The following NCSTN variants were observed in gnomAD, a reference collection of about 807,000 sequenced individuals.
NCSTN encodes the protein nicastrin.
In NCSTN, 22 loss-of-function variants were observed where a neutral mutation model predicts 87.0. The ratio of observed to expected loss-of-function variants is 0.25; its 90% confidence interval spans 0.18 to 0.36. The LOEUF (loss-of-function observed/expected upper bound fraction) is 0.36, where lower values mean the gene tolerates loss of function less well. NCSTN is among the 10% of genes least tolerant of loss of function. NCSTN has a pLI of 1.00. For missense variants in NCSTN, 693 were observed against 883.3 expected (o/e 0.78, Z 2.73); for synonymous variants, 306 against 327.1 (o/e 0.94, Z 0.69).
chr1:160,358,213 A>G lies in NCSTN; in HGVS notation c.2072A>G (p.Asn691Ser), dbSNP rs115296790. ...IFSLIVTYCI[N>S]AKADVLFIAP... Reference sequence around the variant, plus strand: ...TCCCTCATCGTCACCTACTGCATCAATGCCAAAGCTGATGTCCTTTTCATT... The same window carrying G: ...TCCCTCATCGTCACCTACTGCATCAGTGCCAAAGCTGATGTCCTTTTCATT... Residue 691 changes from asparagine (N) to serine (S), a missense_variant, in exon 17 of 17, where the codon AAT (asparagine) becomes AGT (serine). By Grantham distance (46) the Asn-to-Ser change is conservative (BLOSUM62 1). Around this residue, in one of 4 missense-constraint regions of NCSTN, gnomAD observed 216 missense variants for 311.7 expected, o/e 0.69. Coordinates refer to ENST00000294785, the MANE Select transcript of NCSTN (RefSeq NM_015331.3). 3.6e-5 allele frequency: 58 copies of G among 1,614,054 alleles called. No homozygotes were observed. Among genetic ancestry groups the G allele is most frequent in the South Asian group, 1.5e-4 (14 of 91,062 alleles).
At chr1:160,351,975 C>T in intron 7 of NCSTN, 79 bp from the exon 8 acceptor site, 1 of 1,564,558 alleles carries the variant, frequency 6.4e-7, no homozygotes, top group Non-Finnish European at 8.8e-7. Context: ...CAGGTATATT[C>T]TCTTGACTGG....
At chr1:160,351,494 T>C in intron 6 of NCSTN, 122 bp downstream of exon 6, 6 of 1,362,688 alleles carry the variant, frequency 4.4e-6, no homozygotes, top group Non-Finnish European at 6.2e-6. Context: ...GAGCTCTGCA[T>C]GGGAGAACTA....
chr1:160,344,614 A>G, intron 1 of NCSTN, 108 bp from the exon 2 acceptor site: 1 of 1,558,876 alleles, frequency 6.4e-7, no homozygotes, highest in South Asian at 1.2e-5. Context: ...CATTTTAGAA[A>G]GTATGATATT....
chr1:160,356,811 G>T, intron 15 of NCSTN, 57 bp downstream of exon 15: 1 of 1,606,918 alleles, frequency 6.2e-7, no homozygotes, highest in African/African-American at 1.3e-5. Flanking sequence ...GGGAAAGTTG[G>T]AGGTTCTTCT....
At chr1:160,354,315 C>G (rs1571209023) in intron 11 of NCSTN, 25 bp downstream of exon 11, 2 of 1,612,112 alleles carry the variant, frequency 1.2e-6, no homozygotes, top group Non-Finnish European at 1.7e-6. Flanking sequence ...GCCCTGCACC[C>G]TCTTCATTCT....
intron 10 of NCSTN, chr1:160,353,448 G>C: frequency 6.9e-7 from 1 of 1,450,934 alleles, no homozygotes; most frequent in South Asian, 1.4e-5. Flanking sequence ...CCTGGACTGG[G>C]TAGTTCTCTG....
rs148281052 is a variant in NCSTN, at chr1:160,347,644, A to G, written c.191-1355A>G. 4.7e-4 allele frequency among the ~76,000 whole-genome samples: 71 copies of G among 151,898 alleles called. No homozygotes were observed. The East Asian group carries it at 0.013, about 28-fold the overall frequency. The stretch of plus-strand genomic sequence containing the variant: ...TGTGTGTGTGTGTCAGAGTCTCACT[A>G]TGTCACCCAGGCTGGAGTGCTGTGG... On this transcript the variant is annotated intron_variant, in intron 2 of 16. Coordinates refer to ENST00000294785, the MANE Select transcript of NCSTN (RefSeq NM_015331.3).
chr1:160,356,988 C>G, intron 15 of NCSTN, 53 bp from the exon 16 acceptor site: 2 of 1,520,510 alleles, frequency 1.3e-6, no homozygotes, highest in Non-Finnish European at 9.1e-7. Flanking sequence ...GTAGAGGGAA[C>G]GAGTGAGAAG....
intron 8 of NCSTN, among the ~76,000 whole-genome samples, chr1:160,352,504 T>A (rs1648910097): frequency 6.6e-6 from 1 of 152,210 alleles, no homozygotes; most frequent in Non-Finnish European, 1.5e-5. Flanking sequence ...CCTTTACTGC[T>A]ATCTCCATCC....
At chr1:160,352,314 C>G in intron 8 of NCSTN, 108 bp downstream of exon 8, 12 of 1,362,018 alleles carry the variant, frequency 8.8e-6, no homozygotes, top group Non-Finnish European at 1.2e-5. Flanking sequence ...AGTTGTTAAC[C>G]AGCACAGAGC....
intron 15 of NCSTN, 94 bp from the exon 16 acceptor site, chr1:160,356,947 T>G: frequency 3.6e-6 from 5 of 1,403,306 alleles, no homozygotes; most frequent in Non-Finnish European, 3.0e-6. Context: ...GCCAGTTAGC[T>G]CAATTGGTTA....
Position 160,358,519 on chromosome 1 carries a change from ATTACAAATAGAAGCTTC to A in NCSTN, c.*251_*267del. On this transcript the variant is annotated 3_prime_UTR_variant, in exon 17 of 17. Transcript: ENST00000294785. Reference sequence around the variant, plus strand: ...TTCTCTACTCATGCCAGATTTTGGGATTACAAATAGAAGCTTCTTGCTCCTGTTTAACTCCCTAGTTA... The same window carrying A: ...TTCTCTACTCATGCCAGATTTTGGGATTGCTCCTGTTTAACTCCCTAGTTA... The A allele has an allele frequency of 1.8e-6, 1 of 550,560 alleles. No homozygotes were observed. Among genetic ancestry groups the A allele is most frequent in the South Asian group, 2.0e-5 (1 of 49,974 alleles). 34.1% of individuals were successfully genotyped at this position (550,560 alleles called of 1,614,324 possible). A position where few individuals can be genotyped will look rare whatever the true frequency, so the allele number is the denominator to read the frequency against.
intron 5 of NCSTN, 73 bp from the exon 6 acceptor site, chr1:160,351,149 C>G: frequency 6.6e-7 from 1 of 1,520,866 alleles, no homozygotes; most frequent in Non-Finnish European, 9.1e-7. Context: ...GGAACTGGGC[C>G]CTCCTCCTTC....
At chr1:160,356,145 T>C in intron 13 of NCSTN, 115 bp from the exon 14 acceptor site, 1 of 1,075,424 alleles carries the variant, frequency 9.3e-7, no homozygotes, top group South Asian at 1.3e-5. Flanking sequence ...GTCTCCCAAC[T>C]CCAGTCTATC....
At chr1:160,345,763 C>T (rs1286251212) in intron 2 of NCSTN, among the ~76,000 whole-genome samples, 1 of 150,896 alleles carries the variant, frequency 6.6e-6, no homozygotes, top group Non-Finnish European at 1.5e-5. Context: ...GTGAAACCCC[C>T]CCATCTCTAC....
Position 160,349,033 on chromosome 1 carries a change from A to G in NCSTN, c.225A>G (p.Val75=). ...SISGDTGVIH[V]VEKEEDLQWV... is the part of the protein sequence containing the mutation. ...GTGGAGACACAGGGGTTATCCACGTAGTAGAGAAAGAGGAGGACCTACAGT... is the reference window on the plus strand; with the variant it reads ...GTGGAGACACAGGGGTTATCCACGTGGTAGAGAAAGAGGAGGACCTACAGT... The change falls in exon 3 of 17, where the codon GTA becomes GTG. Residue 75 remains valine (V), a synonymous_variant. Coordinates refer to ENST00000294785, the MANE Select transcript of NCSTN (RefSeq NM_015331.3). The G allele has an allele frequency of 6.2e-7, 1 of 1,614,218 alleles. No homozygotes were observed.
At chr1:160,348,707 A>C (rs1435975770) in intron 2 of NCSTN, among the ~76,000 whole-genome samples, 8 of 152,252 alleles carry the variant, frequency 5.3e-5, no homozygotes, top group Admixed American at 5.2e-4. Context: ...CTATTGTTGT[A>C]GAATCTTATG....
At position 160,356,623 on chromosome 1, in the gene NCSTN, A is replaced by G. The variant is rs1649142008; in HGVS notation, c.1663A>G (p.Ile555Val). The part of the protein sequence containing the change: ...YLGDGPLQHY[I>V]AVSSPTNTTY... The stretch of plus-strand genomic sequence containing the variant: ...AGGTGACGGGCCTCTTCAACATTAC[A>G]TCGCTGTCTCCAGCCCCACCAACAC... Residue 555 changes from isoleucine (I) to valine (V), a missense_variant, in exon 15 of 17, where the codon ATC becomes GTC. By Grantham distance (29) the Ile-to-Val change is conservative. Coordinates refer to ENST00000294785, the MANE Select transcript of NCSTN (RefSeq NM_015331.3). The G allele has an allele frequency of 1.9e-6, 3 of 1,614,012 alleles. No individual in the cohort carries two copies. Among genetic ancestry groups the G allele is most frequent in the African/African-American group, 2.7e-5 (2 of 74,904 alleles).
intron 5 of NCSTN, among the ~76,000 whole-genome samples, chr1:160,350,786 T>G (rs1259934034): frequency 6.6e-6 from 1 of 152,214 alleles, no homozygotes; most frequent in Non-Finnish European, 1.5e-5. Flanking sequence ...AGCTCTAATA[T>G]GCCTTAATTC....
Sources: allele counts gnomAD v4.1 joint callset (sites outside exome capture counted in the v4.1 genomes callset), GRCh38; gene constraint gnomAD v4.1.1; regional missense constraint gnomAD v4.1.1; transcripts MANE v1.5; gene names NCBI Gene and HGNC (gene_info 2026-07-23, HGNC 2026-07-21).